The following BNIP3L variants were observed in gnomAD, a reference collection of about 807,000 sequenced individuals.
The protein encoded by BNIP3L is BCL2/adenovirus E1B 19 kDa protein-interacting protein 3-like.
BNIP3L carries 10 observed loss-of-function variants against 25.5 expected under a neutral mutation model. The ratio of observed to expected loss-of-function variants is 0.39; its 90% CI spans 0.24 to 0.67. The LOEUF (loss-of-function observed/expected upper bound fraction) is 0.67. BNIP3L is among the 30% of genes least tolerant of loss of function. BNIP3L has a pLI of 0.45. For synonymous variants in BNIP3L, 113 were observed against 101.2 expected (o/e 1.12, Z -0.70); for missense variants, 215 against 270.9 (o/e 0.79, Z 1.45).
chr8:26,409,525 A>G (rs992906822), intron 5 of BNIP3L, among the ~76,000 whole-genome samples: 1 of 152,172 alleles, frequency 6.6e-6, no homozygotes, highest in Admixed American at 6.5e-5. Flanking sequence ...AAGGACAGTA[A>G]TCAACAAACA....
intron 1 of BNIP3L, among the ~76,000 whole-genome samples, chr8:26,384,128 G>A (rs188404938): frequency 6.6e-6 from 1 of 152,288 alleles, no homozygotes; most frequent in Non-Finnish European, 1.5e-5. Context: ...ATTGTTCCTA[G>A]TCGTGAGAAC....
At chr8:26,384,960 G>A (rs1451885066) in intron 1 of BNIP3L, among the ~76,000 whole-genome samples, 1 of 151,932 alleles carries the variant, frequency 6.6e-6, no homozygotes, top group African/African-American at 2.4e-5. Flanking sequence ...TCAGTAGAGA[G>A]GGGGTTGTTG....
intron 1 of BNIP3L, among the ~76,000 whole-genome samples, chr8:26,385,874 TCTCA>T (rs774115402): frequency 3.3e-4 from 50 of 152,346 alleles, no homozygotes; most frequent in South Asian, 8.3e-4. Context: ...CCTTCTTGCC[TCTCA>T]CTCTGTTCGT....
At chr8:26,408,904 A>T (rs561588368) in intron 5 of BNIP3L, among the ~76,000 whole-genome samples, 1 of 151,404 alleles carries the variant, frequency 6.6e-6, no homozygotes, top group African/African-American at 2.4e-5. Context: ...AGATGTTCAT[A>T]ATAATCCCCT....
intron 3 of BNIP3L, among the ~76,000 whole-genome samples, chr8:26,406,805 C>A (rs1806509309): frequency 6.6e-6 from 1 of 150,770 alleles, no homozygotes; most frequent in Non-Finnish European, 1.5e-5. Context: ...CACAGGAGAC[C>A]CTGTCTCCAG....
At chr8:26,389,113 A>G (rs765027792) in intron 1 of BNIP3L, among the ~76,000 whole-genome samples, 8 of 152,168 alleles carry the variant, frequency 5.3e-5, no homozygotes, top group Non-Finnish European at 1.0e-4. Flanking sequence ...ACAGAGACCT[A>G]TCTGGAACTC....
chr8:26,383,320 A>C (rs1395242919), intron 1 of BNIP3L, 90 bp downstream of exon 1: 2 of 1,524,284 alleles, frequency 1.3e-6, no homozygotes, highest in East Asian at 4.9e-5. Context: ...AGGCGGGAGG[A>C]GAAGGCAGCT....
chr8:26,401,576 A>G (rs1164492480), intron 3 of BNIP3L, among the ~76,000 whole-genome samples: 1 of 148,432 alleles, frequency 6.7e-6, no homozygotes, highest in Non-Finnish European at 1.5e-5. Flanking sequence ...AAAAAAAACA[A>G]AAAAAAAAAC....
intron 1 of BNIP3L, among the ~76,000 whole-genome samples, chr8:26,385,436 C>G (rs1186174958): frequency 6.6e-6 from 1 of 151,894 alleles, no homozygotes; most frequent in Admixed American, 6.6e-5. Flanking sequence ...AACCCCCTCT[C>G]TACTGAAAAT....
At chr8:26,401,917 A>C (rs551917847) in intron 3 of BNIP3L, among the ~76,000 whole-genome samples, 2 of 152,350 alleles carry the variant, frequency 1.3e-5, no homozygotes, top group African/African-American at 4.8e-5. Flanking sequence ...TTGATATGTA[A>C]GATCACCTAA....
chr8:26,383,226 C>T lies in BNIP3L; in HGVS notation c.96C>T (p.Leu32=), dbSNP rs780597407. 1 of 1,608,890 alleles carries T rather than the reference C, an allele frequency of 6.2e-7. No individual in the cohort carries two copies. The highest frequency in any genetic ancestry group is 8.5e-7 in the Non-Finnish European group (1 of 1,178,342). ...NEQSLPPPAG[L]NSSWVELPMN... is the part of the protein sequence containing the mutation. ...AGTCTCTGCCCCCGCCGGCCGGCCT[C>T]AACAGTGAGTGCGGGGCCGAGGCTC... The change falls in exon 1 of 6, where the codon CTC becomes CTT. Residue 32 remains leucine, a synonymous_variant. Transcript: ENST00000380629.
At position 26,412,561 on chromosome 8, in the gene BNIP3L, A is replaced by G. The variant is rs1806652903; in HGVS notation, c.*2149A>G. ...TTAAAGCATCAGTGAAATTATGGAAAATTACTTAAAACGTGAATACATCAT... is the reference window on the plus strand; with the variant it reads ...TTAAAGCATCAGTGAAATTATGGAAGATTACTTAAAACGTGAATACATCAT... On this transcript the variant is annotated 3_prime_UTR_variant, in exon 6 of 6. Transcript: ENST00000380629. The G allele has an allele frequency of 6.6e-6, 1 of 152,344 alleles. No homozygotes were observed. The highest frequency in any genetic ancestry group is 6.5e-5 in the Admixed American group (1 of 15,276). The allele number at this position is 152,344 out of a possible 1,614,324, so 9.4% of individuals were successfully genotyped here.
intron 2 of BNIP3L, 111 bp from the exon 3 acceptor site, chr8:26,395,119 G>T: frequency 2.0e-6 from 2 of 1,019,934 alleles, no homozygotes; most frequent in Non-Finnish European, 2.8e-6. Flanking sequence ...TCTCTGATTT[G>T]CTTTTTCAAA....
chr8:26,383,501 G>T (rs1805905209), intron 1 of BNIP3L: 5 of 1,121,904 alleles, frequency 4.5e-6, no homozygotes, highest in Non-Finnish European at 5.5e-6. Flanking sequence ...CCCCTGGTGC[G>T]GGGGGTGGTC....
At chr8:26,388,839 A>ATAAG (rs1162028495) in intron 1 of BNIP3L, among the ~76,000 whole-genome samples, 2 of 151,402 alleles carry the variant, frequency 1.3e-5, no homozygotes, top group African/African-American at 4.9e-5. Flanking sequence ...AAATAAATAA[A>ATAAG]TAAGTCGGGC....
intron 1 of BNIP3L, chr8:26,390,521 T>C: frequency 1.0e-6 from 1 of 985,384 alleles, no homozygotes; most frequent in Non-Finnish European, 1.2e-6. Flanking sequence ...TCACAAGGTA[T>C]GTTTAGTGTA....
chr8:26,383,294 A>T, intron 1 of BNIP3L, 64 bp downstream of exon 1: 1 of 1,552,450 alleles, frequency 6.4e-7, no homozygotes, highest in Non-Finnish European at 8.7e-7. Context: ...GGCCGCCGCC[A>T]CCGGCGCGGC....
chr8:26,392,953 A>T (rs1806148609), intron 2 of BNIP3L, among the ~76,000 whole-genome samples: 1 of 152,010 alleles, frequency 6.6e-6, no homozygotes, highest in South Asian at 2.1e-4. Flanking sequence ...CGTGTGACTG[A>T]ATATGCCTTC....
At chr8:26,395,174 T>C in intron 2 of BNIP3L, 56 bp from the exon 3 acceptor site, 1 of 1,571,432 alleles carries the variant, frequency 6.4e-7, no homozygotes, top group East Asian at 2.2e-5. Flanking sequence ...TAGTAGAGAC[T>C]AAGTCATTTG....
Sources: allele counts gnomAD v4.1 joint callset (sites outside exome capture counted in the v4.1 genomes callset), GRCh38; gene constraint gnomAD v4.1.1; transcripts MANE v1.5; gene names NCBI Gene and HGNC (gene_info 2026-07-23, HGNC 2026-07-21).